Variants in KMT2C observed in about 807,000 individuals in gnomAD.
KMT2C encodes histone-lysine N-methyltransferase 2C.
Under a neutral mutation model 507.9 loss-of-function variants are expected in KMT2C, and 88 were observed. That is an observed-to-expected ratio of 0.17 (90% confidence interval 0.15 to 0.21). The LOEUF is 0.21. Ranked by LOEUF, KMT2C falls within the 10% of genes least tolerant of loss-of-function variation. The pLI is 1.00. For missense variants in KMT2C, 4,954 were observed against 5,957.8 expected, an observed-to-expected ratio of 0.83 and a Z score of 5.55; for synonymous variants, 2,049 against 2,080.8, an observed-to-expected ratio of 0.98 and a Z score of 0.42.
At position 152,136,156 on chromosome 7, in the gene KMT2C, C is replaced by T. The variant is rs938924986; in HGVS notation, c.*676G>A. On this transcript the variant is annotated 3_prime_UTR_variant, in exon 59 of 59. Coordinates refer to ENST00000262189, the MANE Select transcript of KMT2C (RefSeq NM_170606.3). ...AACTTTATTTAAAAATAGCTTCATT[C>T]ACTTATTCAATAATAAATACAAAAG... 1 of 207,388 alleles carries T rather than the reference C, an allele frequency of 4.8e-6. No homozygotes were observed. The highest frequency in any genetic ancestry group is 2.3e-5 in the African/African-American group (1 of 43,922). 12.8% of individuals were successfully genotyped at this position (207,388 alleles called of 1,614,324 possible).
Position 152,171,348 on chromosome 7 carries a change from A to C in KMT2C, c.9375-6T>G. 1 of 1,588,272 alleles carries C rather than the reference A, an allele frequency of 6.3e-7. No individual in the cohort carries two copies. The highest frequency in any genetic ancestry group is 8.6e-7 in the Non-Finnish European group (1 of 1,162,132). On this transcript the variant is annotated splice_polypyrimidine_tract_variant and splice_region_variant and intron_variant, in intron 39 of 58. Transcript: ENST00000262189. ...CCTGGCCCATAAAAGGGAACCTGTC[A>C]AAACAGGGTACACAAGTATCAAGTG...
intron 4 of KMT2C, among the ~76,000 whole-genome samples, chr7:152,313,735 A>G (rs2096695973): frequency 6.6e-6 from 1 of 152,136 alleles, no homozygotes; most frequent in Non-Finnish European, 1.5e-5. Context: ...CAAATTTTTA[A>G]GTGTACTTCA....
intron 18 of KMT2C, among the ~76,000 whole-genome samples, chr7:152,226,680 G>C (rs570639859): frequency 2.8e-4 from 42 of 152,310 alleles, no homozygotes; most frequent in African/African-American, 7.5e-4. Flanking sequence ...TAAGATCAGG[G>C]TGGCTTATGG....
intron 7 of KMT2C, among the ~76,000 whole-genome samples, chr7:152,270,454 C>T (rs907116683): frequency 2.0e-5 from 3 of 152,112 alleles, no homozygotes; most frequent in South Asian, 2.1e-4. Context: ...CATTGCAGAC[C>T]GAATAGAACC....
chr7:152,329,661 TG>T (rs201737542), intron 3 of KMT2C, among the ~76,000 whole-genome samples: 1,803 of 93,580 alleles, frequency 0.019, 36 homozygotes, highest in African/African-American at 0.07. Flanking sequence ...GGAGAAGGGA[TG>T]GAGGGGAAGG....
intron 6 of KMT2C, among the ~76,000 whole-genome samples, chr7:152,279,269 G>T (rs2096153164): frequency 6.6e-6 from 1 of 152,214 alleles, no homozygotes; most frequent in Non-Finnish European, 1.5e-5. Context: ...ATTTTTAAAT[G>T]ATTAAGAAAC....
intron 3 of KMT2C, among the ~76,000 whole-genome samples, chr7:152,325,909 TTC>T (rs1388518995): frequency 4.8e-5 from 7 of 145,296 alleles, no homozygotes; most frequent in African/African-American, 2.0e-4. Context: ...AATTAGGTCT[TTC>T]TTTTTTTTTT....
At chr7:152,281,783 A>G (rs141185284) in intron 6 of KMT2C, among the ~76,000 whole-genome samples, 2 of 152,050 alleles carry the variant, frequency 1.3e-5, no homozygotes, top group East Asian at 3.9e-4. Context: ...TCTAACCACC[A>G]CCATTTCAGG....
intron 39 of KMT2C, among the ~76,000 whole-genome samples, chr7:152,172,708 C>T (rs1347974805): frequency 6.6e-6 from 1 of 152,092 alleles, no homozygotes; most frequent in Non-Finnish European, 1.5e-5. Flanking sequence ...CAAAACAAAA[C>T]TAAGTAGTAA....
At chr7:152,354,580 A>T (rs2097138149) in intron 2 of KMT2C, among the ~76,000 whole-genome samples, 2 of 152,212 alleles carry the variant, frequency 1.3e-5, no homozygotes, top group African/African-American at 4.8e-5. Context: ...TTTTTAGACA[A>T]GTTTGTCAGG....
At position 152,235,837 on chromosome 7, in the gene KMT2C, C is replaced by T. The variant is rs145833795; in HGVS notation, c.2749G>A (p.Gly917Arg). 3.3e-4 allele frequency: 533 copies of T among 1,606,368 alleles called. No homozygotes were observed. The highest frequency in any genetic ancestry group is 4.5e-4 in the Middle Eastern group (2 of 4,446). The change falls in exon 16 of 59, where the codon GGA becomes AGA. Residue 917 changes from glycine to arginine, a missense_variant. Physicochemically the swap from Gly to Arg is moderately radical, Grantham distance 125. Around this residue, in one of 29 missense-constraint regions of KMT2C, gnomAD observed 62 missense variants for 137.2 expected, o/e 0.45. Coordinates refer to ENST00000262189, the MANE Select transcript of KMT2C (RefSeq NM_170606.3). ...RGRSKLKSGI[G>R]AVVLPGVSTA... is the part of the protein sequence containing the mutation. ...CTCACCCCAGGTAATACAACAGCTCCGATTCCACTTTTCAGCTTTGACCTG... is the reference window on the plus strand; with the variant it reads ...CTCACCCCAGGTAATACAACAGCTCTGATTCCACTTTTCAGCTTTGACCTG...
chr7:152,185,092 G>A (rs933250939), intron 34 of KMT2C, among the ~76,000 whole-genome samples: 4 of 152,144 alleles, frequency 2.6e-5, no homozygotes, highest in African/African-American at 9.7e-5. Flanking sequence ...TAGATTACTT[G>A]TAATACTTAA....
chr7:152,409,034 C>T (rs2097653239), intron 1 of KMT2C, among the ~76,000 whole-genome samples: 1 of 151,704 alleles, frequency 6.6e-6, no homozygotes, highest in African/African-American at 2.4e-5. Flanking sequence ...GTTACCCAGG[C>T]TTAGTGTTAC....
At chr7:152,429,817 CCTTT>C (rs1217827771) in intron 1 of KMT2C, among the ~76,000 whole-genome samples, 1 of 151,842 alleles carries the variant, frequency 6.6e-6, no homozygotes, top group Middle Eastern at 3.4e-3. Context: ...CCGTGCCCAG[CCTTT>C]CTATTACATT....
chr7:152,230,289 A>G lies in KMT2C; in HGVS notation c.2802T>C (p.Asp934=), dbSNP rs1465293708. ...TATTGTGCATAGAGTTTTCTTCATC[A>G]TCCTTATTTGATGAAATATCTGCAG... The part of the protein sequence containing the change: ...VSTADISSNK[D]DEENSMHNTV... Residue 934 remains aspartate, a synonymous_variant, in exon 17 of 59, where the codon GAT becomes GAC. Transcript: ENST00000262189. The G allele has an allele frequency of 6.3e-7, 1 of 1,597,962 alleles. No homozygotes were observed. Among genetic ancestry groups the G allele is most frequent in the Admixed American group, 1.7e-5 (1 of 58,422 alleles).
At chr7:152,408,404 T>A (rs1316228966) in intron 1 of KMT2C, among the ~76,000 whole-genome samples, 2 of 151,962 alleles carry the variant, frequency 1.3e-5, no homozygotes, top group African/African-American at 2.4e-5. Context: ...TTCAATATAT[T>A]AAAAAAATTA....
chr7:152,239,507 C>T (rs1308348267), intron 14 of KMT2C, among the ~76,000 whole-genome samples: 4 of 152,168 alleles, frequency 2.6e-5, no homozygotes, highest in African/African-American at 7.2e-5. Flanking sequence ...AGTGAAGAAA[C>T]GTTAAAGCAA....
At chr7:152,276,746 C>G (rs928971960) in intron 6 of KMT2C, among the ~76,000 whole-genome samples, 1 of 150,866 alleles carries the variant, frequency 6.6e-6, no homozygotes, top group Non-Finnish European at 1.5e-5. Context: ...AAAGTGAGAA[C>G]CAGTCTATAA....
At chr7:152,313,861 A>G (rs2096697339) in intron 4 of KMT2C, among the ~76,000 whole-genome samples, 2 of 152,268 alleles carry the variant, frequency 1.3e-5, no homozygotes, top group Non-Finnish European at 1.5e-5. Flanking sequence ...AATTTTCACT[A>G]AAAATTAATT....
Sources: gnomAD v4.1 joint callset for allele counts (sites outside exome capture counted in the v4.1 genomes callset) on GRCh38, gnomAD v4.1.1 for gene constraint, gnomAD v4.1.1 regional missense constraint, MANE v1.5 for transcripts, NCBI Gene and HGNC (gene_info 2026-07-23, HGNC 2026-07-21) for gene names.